The following IKZF1 variants were observed in gnomAD, a reference collection of about 807,000 sequenced individuals.
IKZF1 encodes IKAROS family zinc finger 1.
IKZF1 carries 10 observed loss-of-function variants against 51.7 expected under a neutral mutation model. That is an observed-to-expected ratio of 0.19 (90% CI 0.12 to 0.33). The LOEUF is 0.33. IKZF1 is among the 10% of genes least tolerant of loss of function. The pLI is 1.00. For synonymous variants in IKZF1, 280 were observed against 282.3 expected (o/e 0.99, Z 0.08); for missense variants, 484 against 707.5 (o/e 0.68, Z 3.58).
At chr7:50,355,619 G>GAATA (rs57903869) in intron 3 of IKZF1, among the ~76,000 whole-genome samples, 8,998 of 147,368 alleles carry the variant, frequency 0.061, 280 homozygotes, top group African/African-American at 0.079. Flanking sequence ...GTTAGCTTGC[G>GAATA]AATAAATAAA....
chr7:50,341,873 G>A (rs1372833949), intron 3 of IKZF1, among the ~76,000 whole-genome samples: 1,566 of 151,180 alleles, frequency 0.01, 19 homozygotes, highest in Non-Finnish European at 0.013. Context: ...ATTTGGGTTG[G>A]TCACATTTCA....
intron 4 of IKZF1, among the ~76,000 whole-genome samples, chr7:50,381,869 T>G (rs1331445805): frequency 6.6e-6 from 1 of 152,236 alleles, no homozygotes. Context: ...GTTTCTTAAC[T>G]TCTCATTTTA....
chr7:50,313,571 A>C (rs1001914421), intron 1 of IKZF1, among the ~76,000 whole-genome samples: 1 of 152,188 alleles, frequency 6.6e-6, no homozygotes, highest in Admixed American at 6.5e-5. Context: ...CTGGGCTGCA[A>C]CATTCTGATG....
At chr7:50,354,527 A>G (rs1490990888) in intron 3 of IKZF1, among the ~76,000 whole-genome samples, 2 of 152,232 alleles carry the variant, frequency 1.3e-5, no homozygotes, top group African/African-American at 4.8e-5. Context: ...CTGGCAGGAG[A>G]TACTACAAGG....
At chr7:50,321,715 G>A (rs995792383) in intron 2 of IKZF1, among the ~76,000 whole-genome samples, 3 of 151,992 alleles carry the variant, frequency 2.0e-5, no homozygotes, top group Non-Finnish European at 2.9e-5. Flanking sequence ...TTTATATAAG[G>A]AATAGCCCCT....
intron 4 of IKZF1, 126 bp from the exon 5 acceptor site, chr7:50,382,414 A>G (rs1477302225): frequency 1.5e-6 from 2 of 1,348,080 alleles, no homozygotes; most frequent in South Asian, 3.2e-5. Context: ...TGAAAGCCTC[A>G]TGTTCTATCA....
intron 3 of IKZF1, among the ~76,000 whole-genome samples, chr7:50,350,803 G>GA (rs939171766): frequency 2.0e-5 from 3 of 152,202 alleles, no homozygotes; most frequent in Non-Finnish European, 4.4e-5. Context: ...ATCTGTGAAA[G>GA]AAATAGCAGA....
At position 50,365,592 on chromosome 7, in the gene IKZF1, C is replaced by T. The variant is rs536144853; in HGVS notation, c.161-10941C>T. On this transcript the variant is annotated intron_variant, in intron 3 of 7. Transcript: ENST00000331340. Reference sequence around the variant, plus strand: ...TCAAAACCACAATGAGATACCATCTCACACCAGTCAGAATGGTTATTAATA... The same window carrying T: ...TCAAAACCACAATGAGATACCATCTTACACCAGTCAGAATGGTTATTAATA... 8.1e-4 allele frequency among the ~76,000 whole-genome samples: 124 copies of T among 152,316 alleles called. 1 individual carries two copies. The highest frequency in any genetic ancestry group is 3.4e-3 in the Middle Eastern group (1 of 294).
At chr7:50,326,551 T>C (rs73348118) in intron 2 of IKZF1, among the ~76,000 whole-genome samples, 6,359 of 152,320 alleles carry the variant, frequency 0.042, 269 homozygotes, top group African/African-American at 0.1. Context: ...CTACTAGTTA[T>C]GGCTTCCCAA....
At chr7:50,313,944 C>T (rs1207443263) in intron 1 of IKZF1, among the ~76,000 whole-genome samples, 1 of 152,128 alleles carries the variant, frequency 6.6e-6, no homozygotes, top group Non-Finnish European at 1.5e-5. Context: ...TACCAGTATC[C>T]TTTTCTTTGC....
chr7:50,400,733 ATGT>A lies in IKZF1; in HGVS notation c.*110_*112del. ...AGCATAGACTGGACTGGACCAGACA[ATGT>A]TGTGTTTGGATTTGTAACTGTTTTT... On this transcript the variant is annotated 3_prime_UTR_variant, in exon 8 of 8. Transcript: ENST00000331340. The surrounding 1 kb of genome is among the most constrained non-coding windows in gnomAD (Gnocchi z 5.4). The A allele has an allele frequency of 1.5e-6, 2 of 1,326,220 alleles. No homozygotes were observed. Among genetic ancestry groups the A allele is most frequent in the Non-Finnish European group, 2.0e-6 (2 of 980,440 alleles). 82.2% of individuals were successfully genotyped at this position (1,326,220 alleles called of 1,614,324 possible).
chr7:50,322,344 A>G (rs1292436068), intron 2 of IKZF1, among the ~76,000 whole-genome samples: 1 of 152,240 alleles, frequency 6.6e-6, no homozygotes, highest in East Asian at 1.9e-4. Flanking sequence ...ATTTCATAGG[A>G]TTCAACCTAA....
intron 3 of IKZF1, among the ~76,000 whole-genome samples, chr7:50,363,080 AATGT>A (rs1389166354): frequency 7.9e-5 from 12 of 152,142 alleles, no homozygotes; most frequent in African/African-American, 2.9e-4. Context: ...TGTGGGTTGG[AATGT>A]ATGGAATCCA....
rs923523164 is a variant in IKZF1 at position 50,404,262 on chromosome 7, C to A, written c.*3635C>A. On this transcript the variant is annotated 3_prime_UTR_variant, in exon 8 of 8. Transcript: ENST00000331340. ...GCTGCCCTTCTGGCGAGTACATGCA[C>A]AGGATTGTAAATGAGAAATGCAGTC... 5 of 220,532 alleles carry A rather than the reference C, an allele frequency of 2.3e-5. No homozygotes were observed. Among genetic ancestry groups the A allele is most frequent in the African/African-American group, 1.1e-4 (5 of 44,600 alleles). 13.7% of individuals were successfully genotyped at this position (220,532 alleles called of 1,614,324 possible).
chr7:50,310,845 C>T (rs10237442), intron 1 of IKZF1, among the ~76,000 whole-genome samples: 2,019 of 152,292 alleles, frequency 0.013, 36 homozygotes, highest in African/African-American at 0.045. Flanking sequence ...ATTGATGCTT[C>T]TATTCTTCCC....
intron 7 of IKZF1, among the ~76,000 whole-genome samples, chr7:50,395,522 C>T (rs371571560): frequency 3.9e-5 from 6 of 152,226 alleles, no homozygotes; most frequent in African/African-American, 1.2e-4. Context: ...GACAGTATTC[C>T]AGTTCACATT....
At chr7:50,398,550 C>T (rs191552085) in intron 7 of IKZF1, among the ~76,000 whole-genome samples, 70 of 152,324 alleles carry the variant, frequency 4.6e-4, no homozygotes, top group African/African-American at 1.5e-3. Context: ...TCTCATGGCA[C>T]GCTCCCCTTG....
At chr7:50,311,520 A>T (rs1263359871) in intron 1 of IKZF1, among the ~76,000 whole-genome samples, 2 of 152,244 alleles carry the variant, frequency 1.3e-5, no homozygotes, top group African/African-American at 4.8e-5. Context: ...TGGGTTCATA[A>T]ACAATGGGAT....
chr7:50,387,950 G>A (rs962069442), intron 6 of IKZF1, among the ~76,000 whole-genome samples: 2 of 152,194 alleles, frequency 1.3e-5, no homozygotes, highest in Admixed American at 6.5e-5. Context: ...ACTCCTGCAT[G>A]GAGTGTGAGG....
Sources: allele counts gnomAD v4.1 joint callset (sites outside exome capture counted in the v4.1 genomes callset), GRCh38; gene constraint gnomAD v4.1.1; non-coding constraint Gnocchi (gnomAD v3.1); transcripts MANE v1.5; gene names NCBI Gene and HGNC (gene_info 2026-07-23, HGNC 2026-07-21).